Variants in CRACD observed in about 807,000 individuals in gnomAD.
CRACD encodes the protein capping protein inhibiting regulator of actin dynamics.
A neutral mutation model predicts 106.8 loss-of-function variants in CRACD; 56 were observed. The ratio of observed to expected loss-of-function variants is 0.52; its 90% CI spans 0.42 to 0.66. CRACD has a LOEUF of 0.66. Among genes scored for constraint, CRACD ranks in the 30% least tolerant of loss-of-function variants. The pLI, the probability that CRACD is intolerant of heterozygous loss-of-function variation, is 0.00. For missense variants in CRACD, 1,730 were observed against 1,623.2 expected (o/e 1.07, Z -1.13); for synonymous variants, 754 against 670.8 (o/e 1.12, Z -1.92).
At chr4:56,242,174 C>T (rs1577790706) in intron 2 of CRACD, among the ~76,000 whole-genome samples, 1 of 152,212 alleles carries the variant, frequency 6.6e-6, no homozygotes, top group African/African-American at 2.4e-5. Context: ...ACTTCACAAT[C>T]GCAAGTCTTG....
intron 1 of CRACD, among the ~76,000 whole-genome samples, chr4:56,126,378 C>T (rs1300037935): frequency 1.3e-5 from 2 of 152,160 alleles, no homozygotes; most frequent in African/African-American, 4.8e-5. Context: ...GAGTGGAATG[C>T]ACGTATCAGG....
intron 5 of CRACD, among the ~76,000 whole-genome samples, chr4:56,309,333 T>C (rs974540768): frequency 2.0e-5 from 3 of 152,138 alleles, no homozygotes; most frequent in African/African-American, 7.2e-5. Flanking sequence ...AAGTGTGGTG[T>C]GGAGAACAGA....
intron 8 of CRACD, among the ~76,000 whole-genome samples, chr4:56,318,541 C>T (rs1309539103): frequency 6.6e-6 from 1 of 152,250 alleles, no homozygotes; most frequent in African/African-American, 2.4e-5. Context: ...ACTTCCTTCT[C>T]TTAGGGCTGT....
chr4:56,316,302 C>T lies in CRACD; in HGVS notation c.2800C>T (p.Pro934Ser). Reference sequence around the variant, plus strand: ...CAGCCGCTCTGTTCCTGTGGCCCACCCTGGGCCTCCACCGGCCAGCAGCCA... The same window carrying T: ...CAGCCGCTCTGTTCCTGTGGCCCACTCTGGGCCTCCACCGGCCAGCAGCCA... The part of the protein sequence containing the change: ...SSSRSVPVAH[P>S]GPPPASSQTP... The change falls in exon 8 of 11, where the codon CCT becomes TCT. Residue 934 changes from proline (P) to serine (S), a missense_variant. This residue lies in a region of CRACD where 1,620 missense variants were observed against 1,481.6 expected (regional missense o/e 1.09). Coordinates refer to ENST00000682029, the MANE Select transcript of CRACD (RefSeq NM_001393381.1). The T allele has an allele frequency of 1.2e-6, 2 of 1,613,998 alleles. No individual in the cohort carries two copies. Among genetic ancestry groups the T allele is most frequent in the Non-Finnish European group, 1.7e-6 (2 of 1,179,884 alleles).
chr4:56,228,174 G>A (rs1323217992), intron 2 of CRACD, among the ~76,000 whole-genome samples: 1 of 152,028 alleles, frequency 6.6e-6, no homozygotes, highest in Non-Finnish European at 1.5e-5. Flanking sequence ...CTCATATGAT[G>A]CTAGGCAGTG....
At chr4:56,298,461 C>A in intron 4 of CRACD, 112 bp downstream of exon 4, 1 of 1,282,558 alleles carries the variant, frequency 7.8e-7, no homozygotes, top group Non-Finnish European at 1.1e-6. Flanking sequence ...GTCCAGAGGT[C>A]ACTCCTGGTG....
At chr4:56,205,563 T>A (rs1738084599) in intron 2 of CRACD, among the ~76,000 whole-genome samples, 1 of 151,912 alleles carries the variant, frequency 6.6e-6, no homozygotes, top group South Asian at 2.1e-4. Context: ...TGCATATATG[T>A]GTGTGTGTGT....
chr4:56,086,374 C>A (rs1473104156), intron 1 of CRACD, among the ~76,000 whole-genome samples: 1 of 151,940 alleles, frequency 6.6e-6, no homozygotes, highest in Non-Finnish European at 1.5e-5. Flanking sequence ...ACCTCCTGGC[C>A]TCAAGCAATC....
chr4:56,148,539 T>C (rs1735474741), intron 1 of CRACD, among the ~76,000 whole-genome samples: 1 of 152,066 alleles, frequency 6.6e-6, no homozygotes, highest in African/African-American at 2.4e-5. Flanking sequence ...AGCAGTCCCC[T>C]GCCTTGACCA....
intron 1 of CRACD, among the ~76,000 whole-genome samples, chr4:56,130,871 C>G (rs1470501333): frequency 1.3e-5 from 2 of 152,178 alleles, no homozygotes; most frequent in African/African-American, 4.8e-5. Flanking sequence ...CTCCACCTCT[C>G]CATCTCCCTC....
At chr4:56,122,873 G>A (rs766064441) in intron 1 of CRACD, among the ~76,000 whole-genome samples, 46 of 152,296 alleles carry the variant, frequency 3.0e-4, no homozygotes, top group South Asian at 4.1e-4. Context: ...CAAATAAATT[G>A]GTTCACTAAA....
At chr4:56,182,379 C>T (rs544749514) in intron 2 of CRACD, among the ~76,000 whole-genome samples, 11 of 150,522 alleles carry the variant, frequency 7.3e-5, no homozygotes, top group Non-Finnish European at 1.5e-4. Context: ...GTCTCAAAAA[C>T]GAGCAAACAA....
At chr4:56,173,243 G>A (rs761993544) in intron 1 of CRACD, among the ~76,000 whole-genome samples, 2 of 152,198 alleles carry the variant, frequency 1.3e-5, no homozygotes, top group Admixed American at 6.5e-5. Flanking sequence ...ACTGAGGATC[G>A]CATTGCTCTT....
At chr4:56,161,910 CA>C (rs1052864741) in intron 1 of CRACD, among the ~76,000 whole-genome samples, 5 of 151,692 alleles carry the variant, frequency 3.3e-5, no homozygotes, top group African/African-American at 1.2e-4. Flanking sequence ...ATTACAGGTG[CA>C]TGCCACCATA....
At chr4:56,069,495 G>A (rs940663507) in intron 1 of CRACD, among the ~76,000 whole-genome samples, 4 of 152,128 alleles carry the variant, frequency 2.6e-5, no homozygotes, top group African/African-American at 9.7e-5. Flanking sequence ...TGAGAAGGAA[G>A]ACCAGCTCAT....
chr4:56,321,786 T>G (rs1746122748), intron 8 of CRACD, among the ~76,000 whole-genome samples: 1 of 152,252 alleles, frequency 6.6e-6, no homozygotes, highest in Admixed American at 6.5e-5. Flanking sequence ...AGATCATAAC[T>G]GAATCGTTAT....
At chr4:56,270,419 C>T (rs566830202) in intron 2 of CRACD, among the ~76,000 whole-genome samples, 4 of 152,076 alleles carry the variant, frequency 2.6e-5, no homozygotes, top group Non-Finnish European at 4.4e-5. Flanking sequence ...GGAAATGAGA[C>T]GTCTGGCTTG....
chr4:56,176,645 C>A (rs1366986995), intron 1 of CRACD, among the ~76,000 whole-genome samples: 1 of 152,012 alleles, frequency 6.6e-6, no homozygotes, highest in Non-Finnish European at 1.5e-5. Context: ...CTGTGTTAGC[C>A]AGGATGGTCT....
At chr4:56,092,324 G>A (rs113697403) in intron 1 of CRACD, among the ~76,000 whole-genome samples, 1 of 152,150 alleles carries the variant, frequency 6.6e-6, no homozygotes, top group African/African-American at 2.4e-5. Flanking sequence ...CTTGGGCCCC[G>A]AGGAATAGTC....
Sources: gnomAD v4.1 joint callset for allele counts (sites outside exome capture counted in the v4.1 genomes callset) on GRCh38, gnomAD v4.1.1 for gene constraint, gnomAD v4.1.1 regional missense constraint, MANE v1.5 for transcripts, NCBI Gene and HGNC (gene_info 2026-07-23, HGNC 2026-07-21) for gene names.